Variants in RAB4B observed in about 807,000 individuals in gnomAD.
RAB4B encodes the protein ras-related protein Rab-4B.
A neutral mutation model predicts 28.3 loss-of-function variants in RAB4B; 15 were observed. That is an observed-to-expected ratio of 0.53 (90% CI 0.35 to 0.82). The LOEUF is 0.82. Ranked by LOEUF, RAB4B falls within the 40% of genes least tolerant of loss-of-function variation. The pLI, the probability that RAB4B is intolerant of heterozygous loss-of-function variation, is 0.01. For synonymous variants in RAB4B, 108 were observed against 116.3 expected, an observed-to-expected ratio of 0.93 and a Z score of 0.46; for missense variants, 244 against 288.5, an observed-to-expected ratio of 0.85 and a Z score of 1.12.
At chr19:40,796,003 G>A (rs879335686) in intron 7 of RAB4B, among the ~76,000 whole-genome samples, 2 of 151,430 alleles carry the variant, frequency 1.3e-5, no homozygotes, top group Non-Finnish European at 2.9e-5. Flanking sequence ...CACCGCGCCC[G>A]GCCTATTTAT....
rs28580854 is a variant in RAB4B at position 40,787,128 on chromosome 19, C to T, written c.*15+150C>T. Reference sequence around the variant, plus strand: ...AAGCTAAAGGAGGCATCTGGCTGGGCGCAGTGGCTCACGCCTGTAATCTTA... The same window carrying T: ...AAGCTAAAGGAGGCATCTGGCTGGGTGCAGTGGCTCACGCCTGTAATCTTA... On this transcript the variant is annotated intron_variant, in intron 7 of 7. Coordinates refer to ENST00000357052, the MANE Select transcript of RAB4B (RefSeq NM_016154.5). The T allele has an allele frequency of 5.6e-3, 4,342 of 779,764 alleles. 121 individuals carry two copies. In the African/African-American group the frequency reaches 0.066, roughly 12 times the overall value. 48.3% of individuals were successfully genotyped at this position (779,764 alleles called of 1,614,324 possible).
chr19:40,784,628 A>G (rs1440470312), intron 5 of RAB4B, among the ~76,000 whole-genome samples: 3 of 152,146 alleles, frequency 2.0e-5, no homozygotes, highest in Non-Finnish European at 4.4e-5. Context: ...TGCTGTGATG[A>G]TTAAGGGAGA....
chr19:40,783,827 TACG>T lies in RAB4B; in HGVS notation c.265_267del (p.Asp89del), dbSNP rs1568492274. ...AGGGGCGGCTGGAGCCCTGCTGGTG[TACG>T]ACATCACCAGGTGGGTGCCCGGGGT... On this transcript the variant is annotated inframe_deletion, in exon 4 of 8. Coordinates refer to ENST00000357052, the MANE Select transcript of RAB4B (RefSeq NM_016154.5). 1 of 1,489,414 alleles carries T rather than the reference TACG, an allele frequency of 6.7e-7. No homozygotes were observed. The highest frequency in any genetic ancestry group is 1.8e-5 in the Admixed American group (1 of 54,294). The allele number at this position is 1,489,414 out of a possible 1,614,324, so 92.3% of individuals were successfully genotyped here. A position where few individuals can be genotyped will look rare whatever the true frequency, so the allele number is the denominator to read the frequency against.
At chr19:40,792,485 A>AGGT (rs1165886623) in intron 7 of RAB4B, 1 of 152,232 alleles carries the variant, frequency 6.6e-6, no homozygotes, top group Non-Finnish European at 1.5e-5. Context: ...TGCCCTCAGT[A>AGGT]GGTGAAATGT....
At position 40,792,966 on chromosome 19, in the gene RAB4B, A is replaced by G. The variant is rs892261741; in HGVS notation, c.*16-3604A>G. 2.0e-5 allele frequency among the ~76,000 whole-genome samples: 3 copies of G among 151,882 alleles called. No homozygotes were observed. The East Asian group carries it at 5.8e-4, about 29-fold the overall frequency. ...CGGCTAATTTTCGTATTTTTAGTGG[A>G]AACGGCATTTGACCGTGGCCAGGCT... On this transcript the variant is annotated intron_variant, in intron 7 of 7. Transcript: ENST00000357052.
intron 7 of RAB4B, among the ~76,000 whole-genome samples, chr19:40,793,221 A>C (rs1046251070): frequency 6.6e-6 from 1 of 151,460 alleles, no homozygotes; most frequent in Non-Finnish European, 1.5e-5. Flanking sequence ...CTTTTGGCCA[A>C]TATGATATTC....
intron 7 of RAB4B, among the ~76,000 whole-genome samples, chr19:40,791,455 C>T (rs578245310): frequency 9.2e-5 from 14 of 152,266 alleles, no homozygotes; most frequent in South Asian, 4.1e-4. Context: ...GCCAGCCCAG[C>T]CTTACCGGCC....
intron 3 of RAB4B, among the ~76,000 whole-genome samples, 160 bp from the exon 4 acceptor site, chr19:40,783,616 AAG>A (rs773603445): frequency 7.2e-5 from 11 of 151,766 alleles, no homozygotes; most frequent in Non-Finnish European, 8.8e-5. Flanking sequence ...AGGATGCAAG[AAG>A]AGAGAGGAAT....
intron 7 of RAB4B, among the ~76,000 whole-genome samples, chr19:40,789,390 C>T (rs183329492): frequency 0.011 from 1,712 of 149,728 alleles, 38 homozygotes; most frequent in African/African-American, 0.04. Flanking sequence ...TTAGTAGAGA[C>T]GGGGTTTCTC....
rs537341986 is a variant in RAB4B at position 40,787,256 on chromosome 19, C to T, written c.*15+278C>T. ...CAGCTCAGAAAGGTCAGGGCCAGGC[C>T]TGGCTCGGTGGCTTATGCCTGTAAT... is the stretch of plus-strand genomic sequence containing the variant. On this transcript the variant is annotated intron_variant, in intron 7 of 7. Transcript: ENST00000357052. 1.8e-3 allele frequency among the ~76,000 whole-genome samples: 278 copies of T among 151,206 alleles called. 1 individual carries two copies. The highest frequency in any genetic ancestry group is 2.9e-3 in the Non-Finnish European group (196 of 67,774).
chr19:40,795,056 C>A (rs568147739), intron 7 of RAB4B, among the ~76,000 whole-genome samples: 2 of 149,148 alleles, frequency 1.3e-5, no homozygotes, highest in African/African-American at 5.0e-5. Context: ...GTAGTTCCAG[C>A]TACTCAGGAG....
At chr19:40,782,008 T>G in intron 3 of RAB4B, among the ~76,000 whole-genome samples, 1 of 117,724 alleles carries the variant, frequency 8.5e-6, no homozygotes, top group Non-Finnish European at 1.7e-5. Flanking sequence ...GCGACAGAGC[T>G]AGGCTCCGTT....
chr19:40,794,997 C>CAAAAAAAAAAAAAAAAAAA (rs59417778), intron 7 of RAB4B, among the ~76,000 whole-genome samples: 1 of 99,940 alleles, frequency 1.0e-5, no homozygotes, highest in Non-Finnish European at 1.9e-5. Flanking sequence ...ACTAAAAATA[C>CAAAAAAAAAAAAAAAAAAA]AAAAAAAAAA....
intron 7 of RAB4B, among the ~76,000 whole-genome samples, chr19:40,789,676 G>T (rs1188317259): frequency 6.6e-6 from 1 of 151,328 alleles, no homozygotes; most frequent in African/African-American, 2.4e-5. Context: ...GCTAATTTTT[G>T]TATTTTTAGT....
At chr19:40,780,785 A>G (rs1338275351) in intron 3 of RAB4B, among the ~76,000 whole-genome samples, 1 of 152,022 alleles carries the variant, frequency 6.6e-6, no homozygotes, top group Non-Finnish European at 1.5e-5. Flanking sequence ...CAGGAGTTTG[A>G]GACCAGCCTG....
chr19:40,789,263 C>T (rs997592089), intron 7 of RAB4B, among the ~76,000 whole-genome samples: 7 of 151,782 alleles, frequency 4.6e-5, no homozygotes, highest in Non-Finnish European at 1.0e-4. Context: ...AGTGCAATGG[C>T]GCGATCTCAG....
rs1429967613 is a variant in RAB4B at position 40,796,929 on chromosome 19, A to G, written c.*375A>G. On this transcript the variant is annotated 3_prime_UTR_variant, in exon 8 of 8. Coordinates refer to ENST00000357052, the MANE Select transcript of RAB4B (RefSeq NM_016154.5). ...AGCACCCACCCTACCCCCATAAAGC[A>G]TTGTTTACACCTGTGTCTTGGCCTC... 6.6e-6 allele frequency: 1 copy of G among 152,540 alleles called. No individual in the cohort carries two copies. The highest frequency in any genetic ancestry group is 1.5e-5 in the Non-Finnish European group (1 of 68,076). The allele number at this position is 152,540 out of a possible 1,614,324, so 9.4% of individuals were successfully genotyped here. A position where few individuals can be genotyped will look rare whatever the true frequency, so the allele number is the denominator to read the frequency against.
At chr19:40,779,130 T>A (rs1466707021) in intron 1 of RAB4B, 4 of 580,030 alleles carry the variant, frequency 6.9e-6, no homozygotes, top group Non-Finnish European at 8.7e-6. Context: ...AGTCAGAGGG[T>A]GGTAGGAGGT....
intron 7 of RAB4B, among the ~76,000 whole-genome samples, chr19:40,791,646 G>GT (rs955200937): frequency 2.1e-4 from 31 of 150,204 alleles, no homozygotes; most frequent in Non-Finnish European, 2.8e-4. Context: ...CCAAACTTTT[G>GT]TTTTTTTTTG....
Sources: allele counts gnomAD v4.1 joint callset (sites outside exome capture counted in the v4.1 genomes callset), GRCh38; gene constraint gnomAD v4.1.1; transcripts MANE v1.5; gene names NCBI Gene and HGNC (gene_info 2026-07-23, HGNC 2026-07-21).